Variants in FARP1 observed in about 807,000 individuals in gnomAD.
The protein encoded by FARP1 is FERM, ARH/RhoGEF and pleckstrin domain protein 1, also known as FERM, ARHGEF and pleckstrin domain-containing protein 1.
FARP1 carries 52 observed loss-of-function variants against 128.8 expected under a neutral mutation model. The observed-to-expected ratio is 0.40, with a 90% CI of 0.32 to 0.51. The LOEUF (loss-of-function observed/expected upper bound fraction) is 0.51. Among genes scored for constraint, FARP1 ranks in the 20% least tolerant of loss-of-function variants. FARP1 has a pLI of 0.45. For synonymous variants in FARP1, 580 were observed against 551.8 expected, an observed-to-expected ratio of 1.05 and a Z score of -0.72; for missense variants, 1,333 against 1,367.9, an observed-to-expected ratio of 0.97 and a Z score of 0.40.
intron 5 of FARP1, among the ~76,000 whole-genome samples, chr13:98,375,223 TAA>T (rs1358555484): frequency 6.6e-6 from 1 of 152,258 alleles, no homozygotes; most frequent in Non-Finnish European, 1.5e-5. Flanking sequence ...TTTTGCCAGG[TAA>T]AGTCATATTT....
intron 2 of FARP1, among the ~76,000 whole-genome samples, chr13:98,213,848 C>T (rs1158422293): frequency 2.6e-5 from 4 of 152,206 alleles, no homozygotes; most frequent in East Asian, 1.9e-4. Flanking sequence ...ACTCAAGTCC[C>T]GGTTACTGGC....
In FARP1 at chr13:98,360,723, G is replaced by C. The variant is rs567812479; in HGVS notation, c.277-4672G>C. On this transcript the variant is annotated intron_variant, in intron 3 of 26. Coordinates refer to ENST00000319562, the MANE Select transcript of FARP1 (RefSeq NM_005766.4). ...CAGAGGCGCCTGGATTCAGTAAGCA[G>C]GTGCATCTTTGAATCCTACTGATGG... Among the ~76,000 whole-genome samples, 20 of 152,314 alleles carry C rather than the reference G, an allele frequency of 1.3e-4. 2 individuals are homozygous for C. In the South Asian group the frequency reaches 3.9e-3, roughly 30 times the overall value.
chr13:98,274,022 G>A lies in FARP1; in HGVS notation c.171+60609G>A, dbSNP rs116389647. Among the ~76,000 whole-genome samples the A allele has an allele frequency of 2.3e-3, 346 of 152,318 alleles. 1 individual carries two copies. The highest frequency in any genetic ancestry group is 7.9e-3 in the African/African-American group (328 of 41,572). On this transcript the variant is annotated intron_variant, in intron 2 of 26. Coordinates refer to ENST00000319562, the MANE Select transcript of FARP1 (RefSeq NM_005766.4). ...GGGAGGAAGAAATGGAGTTTGCTAGGTCTGGCTGTTGACTGTGGTTGCTTC... is the reference window on the plus strand; with the variant it reads ...GGGAGGAAGAAATGGAGTTTGCTAGATCTGGCTGTTGACTGTGGTTGCTTC...
At chr13:98,244,970 G>T (rs1882982665) in intron 2 of FARP1, 1 of 1,233,508 alleles carries the variant, frequency 8.1e-7, no homozygotes, top group Non-Finnish European at 1.0e-6. Flanking sequence ...CAGCTTTTCT[G>T]CTGTGGGTTG....
At chr13:98,188,624 C>A (rs1418354944) in intron 1 of FARP1, among the ~76,000 whole-genome samples, 1 of 152,090 alleles carries the variant, frequency 6.6e-6, no homozygotes, top group Non-Finnish European at 1.5e-5. Flanking sequence ...TGTCTGAAGG[C>A]TTAAAGCGGT....
chr13:98,444,336 A>G (rs1461266844), intron 24 of FARP1, among the ~76,000 whole-genome samples: 3 of 151,378 alleles, frequency 2.0e-5, no homozygotes, highest in Non-Finnish European at 2.9e-5. Context: ...TGGGGGTGCA[A>G]TTCAACCCAC....
At chr13:98,150,654 A>T (rs1875931286) in intron 1 of FARP1, among the ~76,000 whole-genome samples, 1 of 152,196 alleles carries the variant, frequency 6.6e-6, no homozygotes, top group African/African-American at 2.4e-5. Flanking sequence ...TCTGTAAGGC[A>T]AGAGAAAAGG....
intron 1 of FARP1, chr13:98,177,105 T>C: frequency 6.2e-7 from 1 of 1,600,816 alleles, no homozygotes; most frequent in Non-Finnish European, 8.5e-7. Context: ...TGCTGCTCTC[T>C]CCGTGCTCGG....
intron 19 of FARP1, among the ~76,000 whole-genome samples, chr13:98,437,596 G>A (rs753292032): frequency 6.6e-5 from 10 of 152,112 alleles, no homozygotes; most frequent in Admixed American, 2.6e-4. Context: ...ATAACGCCGC[G>A]GTTGCAGCGA....
In FARP1 at chr13:98,380,406, G is replaced by A. The variant is rs1297988052; in HGVS notation, c.496+2488G>A. On this transcript the variant is annotated intron_variant, in intron 6 of 26. Transcript: ENST00000319562. ...AACCCCACTGCCCTCCAGCCTGGGC[G>A]ACAGAGTGAGACTCTGTCTAAAAAA... Among the ~76,000 whole-genome samples the A allele has an allele frequency of 3.3e-5, 5 of 150,360 alleles. 1 individual carries two copies. Among genetic ancestry groups the A allele is most frequent in the Admixed American group, 2.6e-4 (4 of 15,104 alleles).
In FARP1 at chr13:98,244,788, C is replaced by T. The variant is rs116649762; in HGVS notation, c.171+31375C>T. 1,396 of 1,566,526 alleles carry T rather than the reference C, an allele frequency of 8.9e-4. 12 individuals carry two copies. In the African/African-American group the frequency reaches 0.017, roughly 19 times the overall value. ...TGGCCAGAGTTAAATTCAAAGGTGACATTAACACATTTCAGTGCCCAATAA... is the reference window on the plus strand; with the variant it reads ...TGGCCAGAGTTAAATTCAAAGGTGATATTAACACATTTCAGTGCCCAATAA... On this transcript the variant is annotated intron_variant, in intron 2 of 26. Coordinates refer to ENST00000319562, the MANE Select transcript of FARP1 (RefSeq NM_005766.4).
intron 19 of FARP1, among the ~76,000 whole-genome samples, chr13:98,438,305 T>C (rs1037038493): frequency 6.6e-6 from 1 of 152,156 alleles, no homozygotes; most frequent in Non-Finnish European, 1.5e-5. Context: ...AGTGCTCCCA[T>C]GTGGCCTCTC....
Position 98,450,272 on chromosome 13 carries a change from A to G in FARP1, c.*1955A>G, listed in dbSNP as rs1893123503. On this transcript the variant is annotated 3_prime_UTR_variant, in exon 27 of 27. Transcript: ENST00000319562. ...GCTTAAGAACATGCCCTATTAGGTC[A>G]CTCTGCCTTTGCTGACACATTTTAT... The G allele has an allele frequency of 6.6e-6, 1 of 152,152 alleles. No homozygotes were observed. Among genetic ancestry groups the G allele is most frequent in the African/African-American group, 2.4e-5 (1 of 41,428 alleles). The allele number at this position is 152,152 out of a possible 1,614,324, so 9.4% of individuals were successfully genotyped here. A position where few individuals can be genotyped will look rare whatever the true frequency, so the allele number is the denominator to read the frequency against.
chr13:98,287,669 G>A lies in FARP1; in HGVS notation c.172-56093G>A, dbSNP rs561885633. On this transcript the variant is annotated intron_variant, in intron 2 of 26. Coordinates refer to ENST00000319562, the MANE Select transcript of FARP1 (RefSeq NM_005766.4). Reference sequence around the variant, plus strand: ...AACATATTGAATTTCCTAAGCTACAGTTGATTTCAATTTTCTTTAGCTCAT... The same window carrying A: ...AACATATTGAATTTCCTAAGCTACAATTGATTTCAATTTTCTTTAGCTCAT... Among the ~76,000 whole-genome samples, 42 of 152,082 alleles carry A rather than the reference G, an allele frequency of 2.8e-4. No individual in the cohort carries two copies. The South Asian group carries it at 3.9e-3, about 14-fold the overall frequency.
intron 16 of FARP1, among the ~76,000 whole-genome samples, chr13:98,423,689 T>C (rs1350426521): frequency 1.3e-5 from 2 of 152,154 alleles, no homozygotes; most frequent in African/African-American, 4.8e-5. Context: ...TCTTCATGCT[T>C]CTGTCTCCTT....
At chr13:98,284,954 C>T (rs1465878979) in intron 2 of FARP1, among the ~76,000 whole-genome samples, 1 of 152,166 alleles carries the variant, frequency 6.6e-6, no homozygotes, top group Non-Finnish European at 1.5e-5. Context: ...GGTGGGCCCC[C>T]TTGGACCTGA....
At chr13:98,391,165 A>G (rs1890290224) in intron 11 of FARP1, among the ~76,000 whole-genome samples, 1 of 152,146 alleles carries the variant, frequency 6.6e-6, no homozygotes, top group South Asian at 2.1e-4. Flanking sequence ...ACAGTGGGGG[A>G]TGAAGCATGA....
chr13:98,214,281 G>T (rs77552717), intron 2 of FARP1, among the ~76,000 whole-genome samples: 14,160 of 152,150 alleles, frequency 0.093, 751 homozygotes, highest in South Asian at 0.19. Context: ...GGAGTGTCTG[G>T]CTGGCTAAGC....
chr13:98,239,811 C>T (rs775843448), intron 2 of FARP1, among the ~76,000 whole-genome samples: 5 of 152,004 alleles, frequency 3.3e-5, no homozygotes, highest in East Asian at 1.9e-4. Context: ...TGGCTCCAAG[C>T]GGGGAGCCCC....
Sources: allele counts gnomAD v4.1 joint callset (sites outside exome capture counted in the v4.1 genomes callset), GRCh38; gene constraint gnomAD v4.1.1; transcripts MANE v1.5; gene names NCBI Gene and HGNC (gene_info 2026-07-23, HGNC 2026-07-21).